Variants in CTNNA2 observed in about 807,000 individuals in gnomAD.
CTNNA2 encodes catenin alpha-2.
A neutral mutation model predicts 101.0 loss-of-function variants in CTNNA2; 42 were observed. The observed-to-expected ratio is 0.42, with a 90% confidence interval of 0.32 to 0.54. The LOEUF is 0.54. Ranked by LOEUF, CTNNA2 falls within the 20% of genes least tolerant of loss-of-function variation. CTNNA2 has a pLI of 0.14. For missense variants in CTNNA2, 871 were observed against 1,223.1 expected, an observed-to-expected ratio of 0.71 and a Z score of 4.29; for synonymous variants, 450 against 456.4, an observed-to-expected ratio of 0.99 and a Z score of 0.18.
chr2:80,077,695 AAG>A, intron 7 of CTNNA2, among the ~76,000 whole-genome samples: 1 of 152,144 alleles, frequency 6.6e-6, no homozygotes, highest in Non-Finnish European at 1.5e-5. Flanking sequence ...CCAGTCTCAA[AAG>A]AATATATACT....
intron 7 of CTNNA2, among the ~76,000 whole-genome samples, chr2:80,052,571 T>G (rs1042950177): frequency 1.3e-5 from 2 of 152,248 alleles, no homozygotes; most frequent in African/African-American, 4.8e-5. Flanking sequence ...TTCTATAAAA[T>G]GAAATTGGTA....
intron 7 of CTNNA2, among the ~76,000 whole-genome samples, chr2:80,372,102 TCTCC>T (rs1002705830): frequency 3.9e-5 from 6 of 152,210 alleles, no homozygotes; most frequent in African/African-American, 1.4e-4. Context: ...GAAGGAATCA[TCTCC>T]CTCCCTATGA....
intron 7 of CTNNA2, among the ~76,000 whole-genome samples, chr2:80,059,664 T>G (rs188748837): frequency 2.6e-5 from 4 of 152,218 alleles, no homozygotes; most frequent in Non-Finnish European, 5.9e-5. Context: ...ATAAACTTCC[T>G]GGAGTCAAGA....
At chr2:80,251,104 C>G (rs1346145360) in intron 7 of CTNNA2, among the ~76,000 whole-genome samples, 1 of 152,108 alleles carries the variant, frequency 6.6e-6, no homozygotes, top group East Asian at 1.9e-4. Context: ...CTTTTAATAT[C>G]TCCTCAATGG....
chr2:79,768,827 T>C (rs982976804), intron 3 of CTNNA2, among the ~76,000 whole-genome samples: 1 of 152,016 alleles, frequency 6.6e-6, no homozygotes, highest in Non-Finnish European at 1.5e-5. Context: ...CTCAACCTTT[T>C]GTGAAAAGCA....
chr2:79,483,445 G>A (rs1053374189), intron 4 of CTNNA2, among the ~76,000 whole-genome samples: 1 of 152,178 alleles, frequency 6.6e-6, no homozygotes. Context: ...CAAGGTATCA[G>A]CCAGAACCTC....
intron 4 of CTNNA2, among the ~76,000 whole-genome samples, chr2:79,383,412 T>C (rs961377325): frequency 6.6e-6 from 1 of 152,016 alleles, no homozygotes; most frequent in Non-Finnish European, 1.5e-5. Flanking sequence ...TAGAGAAAAG[T>C]GTGTGGAAAT....
intron 2 of CTNNA2, among the ~76,000 whole-genome samples, chr2:79,304,471 G>A (rs73938171): frequency 0.072 from 10,852 of 151,394 alleles, 475 homozygotes; most frequent in African/African-American, 0.11. Flanking sequence ...AATTTCCAAG[G>A]CTCACCCAGG....
rs147045180 is a variant in CTNNA2, at chr2:80,630,171, C to T, written c.2574+10943C>T. Among the ~76,000 whole-genome samples the T allele has an allele frequency of 1.1e-3, 173 of 152,200 alleles. 1 individual carries two copies. The highest frequency in any genetic ancestry group is 3.7e-3 in the African/African-American group (154 of 41,520). On this transcript the variant is annotated intron_variant, in intron 18 of 18. Coordinates refer to ENST00000402739, the MANE Select transcript of CTNNA2 (RefSeq NM_001282597.3). ...AGAGCTTATGTATTTCTATTCCCAA[C>T]GGTAATTAAGGGTTTCAGTGAAAAT...
intron 1 of CTNNA2, among the ~76,000 whole-genome samples, chr2:79,540,858 C>T (rs941183058): frequency 6.6e-6 from 1 of 152,114 alleles, no homozygotes; most frequent in East Asian, 1.9e-4. Context: ...ACTTTTCCTA[C>T]TTACTGTAAG....
At chr2:79,870,955 T>C (rs1682541840) in intron 5 of CTNNA2, among the ~76,000 whole-genome samples, 1 of 152,178 alleles carries the variant, frequency 6.6e-6, no homozygotes. Flanking sequence ...ATCAGCCTCC[T>C]TTTTGTCTAG....
chr2:79,239,555 G>T (rs1438215067), intron 2 of CTNNA2, among the ~76,000 whole-genome samples: 1 of 152,086 alleles, frequency 6.6e-6, no homozygotes, highest in Non-Finnish European at 1.5e-5. Context: ...CTCAAGATGG[G>T]TTAAAGACTT....
chr2:79,597,108 G>A (rs1027934611), intron 1 of CTNNA2, among the ~76,000 whole-genome samples: 2 of 152,162 alleles, frequency 1.3e-5, no homozygotes, highest in African/African-American at 2.4e-5. Flanking sequence ...TAAACTGTAC[G>A]TATATGCATG....
At chr2:79,988,244 C>G (rs1691902638) in intron 7 of CTNNA2, among the ~76,000 whole-genome samples, 1 of 152,170 alleles carries the variant, frequency 6.6e-6, no homozygotes, top group South Asian at 2.1e-4. Context: ...TAGGATTACT[C>G]TTGGTACTTC....
chr2:80,253,495 C>T (rs1020857509), intron 7 of CTNNA2, among the ~76,000 whole-genome samples: 1 of 152,092 alleles, frequency 6.6e-6, no homozygotes, highest in African/African-American at 2.4e-5. Context: ...CTTGCCTGTC[C>T]TCATCTTCCT....
At chr2:80,200,224 A>G (rs943466957) in intron 7 of CTNNA2, among the ~76,000 whole-genome samples, 2 of 152,210 alleles carry the variant, frequency 1.3e-5, no homozygotes, top group African/African-American at 4.8e-5. Context: ...CATATGTTTT[A>G]TATATAATAT....
chr2:79,218,349 G>GTGTGT, intron 2 of CTNNA2, among the ~76,000 whole-genome samples: 1 of 68,886 alleles, frequency 1.5e-5, no homozygotes, highest in East Asian at 1.0e-3. Flanking sequence ...GTGTGTGTGT[G>GTGTGT]TATTTTTTTT....
intron 7 of CTNNA2, among the ~76,000 whole-genome samples, chr2:80,310,034 C>T (rs1677399192): frequency 6.6e-6 from 1 of 152,076 alleles, no homozygotes; most frequent in Non-Finnish European, 1.5e-5. Flanking sequence ...GGAATCAAAT[C>T]TGCATTTAAC....
intron 17 of CTNNA2, among the ~76,000 whole-genome samples, chr2:80,615,994 C>T (rs1698819981): frequency 1.3e-5 from 2 of 151,640 alleles, no homozygotes; most frequent in East Asian, 2.0e-4. Flanking sequence ...TTTCTTAATT[C>T]AGACTTTTAA....
Sources: allele counts gnomAD v4.1 joint callset (sites outside exome capture counted in the v4.1 genomes callset), GRCh38; gene constraint gnomAD v4.1.1; transcripts MANE v1.5; gene names NCBI Gene and HGNC (gene_info 2026-07-23, HGNC 2026-07-21).